SGCD: variants seen among roughly 807,000 people sequenced by gnomAD.
SGCD encodes sarcoglycan delta.
Under a neutral mutation model 36.6 loss-of-function variants are expected in SGCD, and 18 were observed. The observed-to-expected ratio is 0.49, with a 90% CI of 0.34 to 0.73. The LOEUF (loss-of-function observed/expected upper bound fraction) is 0.73. SGCD is among the 30% of genes least tolerant of loss of function. The probability of loss-of-function intolerance (pLI) is 0.01; values close to 1 mark genes in which losing one functional copy is unlikely to be tolerated. For synonymous variants in SGCD, 133 were observed against 130.6 expected, an observed-to-expected ratio of 1.02 and a Z score of -0.12; for missense variants, 387 against 346.7, an observed-to-expected ratio of 1.12 and a Z score of -0.92.
chr5:155,960,103 G>C (rs1462062015), intron 1 of SGCD, among the ~76,000 whole-genome samples: 1 of 152,026 alleles, frequency 6.6e-6, no homozygotes, highest in African/African-American at 2.4e-5. Context: ...CAAAAGACAT[G>C]ACTTTGTCTT....
rs898919507 is a variant in SGCD, at chr5:156,629,752, G to T, written c.503-17712G>T. Among the ~76,000 whole-genome samples the T allele has an allele frequency of 2.6e-5, 4 of 151,286 alleles. No homozygotes were observed. In the South Asian group the frequency reaches 8.3e-4, roughly 31 times the overall value. ...TAGGTAATCAAATGAATATGGCTGTGTTCTAATAAAACTTTACTTACAAAA... is the reference window on the plus strand; with the variant it reads ...TAGGTAATCAAATGAATATGGCTGTTTTCTAATAAAACTTTACTTACAAAA... On this transcript the variant is annotated intron_variant, in intron 6 of 8. Coordinates refer to ENST00000337851, the MANE Select transcript of SGCD (RefSeq NM_000337.6).
At chr5:156,262,474 C>A (rs1765893095) in intron 3 of SGCD, among the ~76,000 whole-genome samples, 1 of 152,044 alleles carries the variant, frequency 6.6e-6, no homozygotes, top group South Asian at 2.1e-4. Flanking sequence ...CGCACAATGA[C>A]AAAACCACCT....
chr5:155,865,490 T>C (rs945096181), upstream of SGCD, among the ~76,000 whole-genome samples: 13 of 152,188 alleles, frequency 8.5e-5, no homozygotes, highest in African/African-American at 3.1e-4. Context: ...TTGTGAATGT[T>C]GTCTTTTGAT....
chr5:156,234,362 A>G (rs1196242499), intron 3 of SGCD, among the ~76,000 whole-genome samples: 7 of 152,174 alleles, frequency 4.6e-5, no homozygotes, highest in Admixed American at 3.9e-4. Flanking sequence ...CAGCAACTTT[A>G]TACATATTTA....
chr5:156,362,442 C>T (rs1813059), intron 3 of SGCD, among the ~76,000 whole-genome samples: 119,333 of 152,190 alleles, frequency 0.78, 47,426 homozygotes, highest in Middle Eastern at 0.92. Context: ...GGTCAAGAGA[C>T]TGAAACCATC....
chr5:156,497,497 A>G (rs184120596), intron 3 of SGCD, among the ~76,000 whole-genome samples: 1 of 152,260 alleles, frequency 6.6e-6, no homozygotes, highest in East Asian at 1.9e-4. Flanking sequence ...GTAAATCATT[A>G]AAAGCAACCT....
intron 1 of SGCD, among the ~76,000 whole-genome samples, chr5:155,912,318 A>T (rs1756646574): frequency 6.6e-6 from 1 of 152,176 alleles, no homozygotes; most frequent in African/African-American, 2.4e-5. Context: ...AGTGTTTGTT[A>T]TAGTGCTTCA....
chr5:156,441,317 A>G lies in SGCD; in HGVS notation c.193-67284A>G, dbSNP rs116654518. Among the ~76,000 whole-genome samples the G allele has an allele frequency of 3.9e-3, 386 of 99,758 alleles. 2 individuals are homozygous for G. The highest frequency in any genetic ancestry group is 7.9e-3 in the Middle Eastern group (1 of 126). 65.4% of individuals were successfully genotyped at this position (99,758 alleles called of 152,430 possible). A position where few individuals can be genotyped will look rare whatever the true frequency, so the allele number is the denominator to read the frequency against. On this transcript the variant is annotated intron_variant, in intron 3 of 8. Transcript: ENST00000337851. Reference sequence around the variant, plus strand: ...AATCCAGCATTTACTTGCTAGCTGCATGTCCTTGAGCAAATTAACATATGT... The same window carrying G: ...AATCCAGCATTTACTTGCTAGCTGCGTGTCCTTGAGCAAATTAACATATGT...
Position 156,032,706 on chromosome 5 carries a change from C to CAAAAAAAA in SGCD, c.-281-85149_-281-85142dup, listed in dbSNP as rs1171072619. ...TGGGCGACAGAGCAAGACTCCGTCT[C>CAAAAAAAA]AAAAAAAAAAAAAAAAAAAAAAAAA... On this transcript the variant is annotated intron_variant, in intron 1 of 9. Transcript: ENST00000517913. Among the ~76,000 whole-genome samples the CAAAAAAAA allele has an allele frequency of 0.014, 211 of 15,068 alleles. 56 individuals carry two copies. In the East Asian group the frequency reaches 0.24, roughly 17 times the overall value. 9.9% of individuals were successfully genotyped at this position (15,068 alleles called of 152,430 possible). A position where few individuals can be genotyped will look rare whatever the true frequency, so the allele number is the denominator to read the frequency against.
chr5:155,974,376 T>TAA (rs532728448), intron 1 of SGCD, among the ~76,000 whole-genome samples: 36 of 152,212 alleles, frequency 2.4e-4, no homozygotes, highest in African/African-American at 8.4e-4. Context: ...GTATCCCATG[T>TAA]AAGAGTGAGG....
chr5:156,254,719 T>C lies in SGCD; in HGVS notation c.-43-74815T>C, dbSNP rs528775274. Among the ~76,000 whole-genome samples the C allele has an allele frequency of 2.0e-5, 3 of 152,254 alleles. No homozygotes were observed. The East Asian group carries it at 5.8e-4, about 29-fold the overall frequency. On this transcript the variant is annotated intron_variant, in intron 3 of 9. Transcript: ENST00000517913. ...AAAATTATTTGGGCATGGTGGCATA[T>C]GCCTGTGGCCCAAGCTACTTGGCAG...
At chr5:156,334,609 C>CTTTTTTTTTTTTTTTT (rs35767339) in intron 2 of SGCD, among the ~76,000 whole-genome samples, 67 of 105,052 alleles carry the variant, frequency 6.4e-4, no homozygotes, top group Non-Finnish European at 7.4e-4. Flanking sequence ...GGTCTATTTT[C>CTTTTTTTTTTTTTTTT]TTTTTTTTTT....
At chr5:156,371,745 A>T (rs1003041487) in intron 3 of SGCD, among the ~76,000 whole-genome samples, 5 of 152,194 alleles carry the variant, frequency 3.3e-5, no homozygotes, top group Non-Finnish European at 7.4e-5. Context: ...ACTGTCCAAT[A>T]AATGTTCCCC....
chr5:156,219,698 A>T (rs994839727), intron 3 of SGCD, among the ~76,000 whole-genome samples: 1 of 152,330 alleles, frequency 6.6e-6, no homozygotes, highest in South Asian at 2.1e-4. Context: ...TCTCTTAGTG[A>T]TATAGCTACA....
chr5:156,184,492 C>A (rs1473361142), intron 3 of SGCD, among the ~76,000 whole-genome samples: 1 of 151,772 alleles, frequency 6.6e-6, no homozygotes, highest in Non-Finnish European at 1.5e-5. Flanking sequence ...CCAATCTGTG[C>A]CCTCTCAAAC....
chr5:155,861,435 G>A, the SGCD span, among the ~76,000 whole-genome samples: 1 of 151,620 alleles, frequency 6.6e-6, no homozygotes, highest in Non-Finnish European at 1.5e-5. Context: ...GGACACGGTG[G>A]CTCACTCCTG....
chr5:156,737,749 T>C (rs564662993), intron 7 of SGCD, among the ~76,000 whole-genome samples: 8 of 152,318 alleles, frequency 5.3e-5, no homozygotes, highest in East Asian at 1.9e-4. Flanking sequence ...TATACTTACA[T>C]TGACTATTAA....
chr5:156,341,334 A>T (rs1158777050), intron 2 of SGCD, among the ~76,000 whole-genome samples: 2 of 151,812 alleles, frequency 1.3e-5, no homozygotes, highest in African/African-American at 2.4e-5. Context: ...ATTTTATTTT[A>T]TTTTATTTTT....
At chr5:155,760,152 A>G in the SGCD span, among the ~76,000 whole-genome samples, 1 of 150,318 alleles carries the variant, frequency 6.7e-6, no homozygotes, top group African/African-American at 2.5e-5. Flanking sequence ...CCTCTCTATC[A>G]TCCTCACCAT....
Sources: allele counts gnomAD v4.1 joint callset (sites outside exome capture counted in the v4.1 genomes callset), GRCh38; gene constraint gnomAD v4.1.1; transcripts MANE v1.5; gene names NCBI Gene and HGNC (gene_info 2026-07-23, HGNC 2026-07-21).